CREB5: variants seen among roughly 807,000 people sequenced by gnomAD.
CREB5 encodes cyclic AMP-responsive element-binding protein 5.
CREB5 carries 19 observed loss-of-function variants against 57.1 expected under a neutral mutation model. The ratio of observed to expected loss-of-function variants is 0.33; its 90% CI spans 0.23 to 0.49. The LOEUF is 0.49. CREB5 is among the 20% of genes least tolerant of loss of function. CREB5 has a pLI of 0.99. For synonymous variants in CREB5, 238 were observed against 238.3 expected (o/e 1.00, Z 0.01); for missense variants, 579 against 671.6 (o/e 0.86, Z 1.52).
intron 4 of CREB5, among the ~76,000 whole-genome samples, chr7:28,510,673 A>G (rs766148331): frequency 8.5e-5 from 13 of 152,238 alleles, no homozygotes; most frequent in South Asian, 2.1e-4. Context: ...CTTTTCCAGA[A>G]GCATCCCAAT....
intron 4 of CREB5, among the ~76,000 whole-genome samples, chr7:28,561,489 A>G (rs1244514180): frequency 6.6e-6 from 1 of 152,246 alleles, no homozygotes; most frequent in African/African-American, 2.4e-5. Flanking sequence ...ATTATCCAAC[A>G]CTGCATTAAA....
At chr7:28,407,100 A>G (rs2065768803) in intron 1 of CREB5, among the ~76,000 whole-genome samples, 1 of 151,408 alleles carries the variant, frequency 6.6e-6, no homozygotes, top group Non-Finnish European at 1.5e-5. Flanking sequence ...CCCAGGTTGG[A>G]GTGCAATGGT....
intron 1 of CREB5, among the ~76,000 whole-genome samples, chr7:28,322,816 G>A (rs532313141): frequency 1.3e-5 from 2 of 152,258 alleles, no homozygotes; most frequent in South Asian, 2.1e-4. Flanking sequence ...ATTCCATGGT[G>A]TATATGTGCC....
chr7:28,375,602 G>T (rs1480588995), intron 1 of CREB5, among the ~76,000 whole-genome samples: 1 of 139,252 alleles, frequency 7.2e-6, no homozygotes, highest in Non-Finnish European at 1.5e-5. Flanking sequence ...AAAGAAAAAA[G>T]GAAAAAAAAA....
Position 28,422,096 on chromosome 7 carries a change from G to A in CREB5, c.3+9179G>A, listed in dbSNP as rs1788291388. Among the ~76,000 whole-genome samples, 3 of 152,030 alleles carry A rather than the reference G, an allele frequency of 2.0e-5. No homozygotes were observed. The South Asian group carries it at 6.2e-4, about 32-fold the overall frequency. ...AAAATTTTGGAGACAGATCACAGGG[G>A]GAATGGTGGAGGAAATTAGAGATAT... is the stretch of plus-strand genomic sequence containing the variant. On this transcript the variant is annotated intron_variant, in intron 1 of 10. Coordinates refer to ENST00000357727, the MANE Select transcript of CREB5 (RefSeq NM_182898.4).
chr7:28,377,175 C>G (rs1583407323), intron 1 of CREB5, among the ~76,000 whole-genome samples: 1 of 152,142 alleles, frequency 6.6e-6, no homozygotes, highest in South Asian at 2.1e-4. Flanking sequence ...AATTGGCTCT[C>G]TTTTGCTCTG....
At chr7:28,798,365 A>AGGGTGGGTGG (rs1808169757) in intron 7 of CREB5, among the ~76,000 whole-genome samples, 2 of 142,802 alleles carry the variant, frequency 1.4e-5, no homozygotes, top group Admixed American at 6.9e-5. Context: ...TAAATTGCCC[A>AGGGTGGGTGG]GGGTGGGTGT....
chr7:28,561,309 A>G (rs1440715578), intron 4 of CREB5, among the ~76,000 whole-genome samples: 2 of 152,168 alleles, frequency 1.3e-5, no homozygotes, highest in African/African-American at 2.4e-5. Context: ...CTGACTTGAA[A>G]CATAGTATAT....
chr7:28,618,231 C>T (rs1349100258), intron 5 of CREB5, among the ~76,000 whole-genome samples: 3 of 152,052 alleles, frequency 2.0e-5, no homozygotes, highest in African/African-American at 7.3e-5. Context: ...CCATTTCTTT[C>T]TTAAAGACCA....
At chr7:28,642,979 C>T (rs4722831) in intron 5 of CREB5, among the ~76,000 whole-genome samples, 4,671 of 100,794 alleles carry the variant, frequency 0.046, 53 homozygotes, top group Admixed American at 0.084. Flanking sequence ...CACACACACA[C>T]ACACACATAC....
chr7:28,443,018 C>T (rs1431201926), intron 1 of CREB5, among the ~76,000 whole-genome samples: 5 of 152,170 alleles, frequency 3.3e-5, no homozygotes, highest in Admixed American at 6.5e-5. Context: ...TGCCTTATTT[C>T]GTTTAATCTT....
chr7:28,809,212 A>C lies in CREB5; in HGVS notation c.1052A>C (p.Gln351Pro). 6.2e-7 allele frequency: 1 copy of C among 1,613,606 alleles called. No homozygotes were observed. Among genetic ancestry groups the C allele is most frequent in the South Asian group, 1.1e-5 (1 of 91,010 alleles). ...GTTTCACCAGCAACACAACAGATGCAGCCAACCCAGACAATACAGCCACCC... is the reference window on the plus strand; with the variant it reads ...GTTTCACCAGCAACACAACAGATGCCGCCAACCCAGACAATACAGCCACCC... ...AQVSPATQQM[Q>P]PTQTIQPPQP... The change falls in exon 9 of 11, where the codon CAG (glutamine) becomes CCG (proline). Residue 351 changes from glutamine (Q) to proline (P), a missense_variant. Physicochemically the swap from Gln to Pro is moderately conservative, Grantham distance 76. Coordinates refer to ENST00000357727, the MANE Select transcript of CREB5 (RefSeq NM_182898.4).
At chr7:28,606,472 C>G (rs1041814525) in intron 5 of CREB5, among the ~76,000 whole-genome samples, 1 of 152,162 alleles carries the variant, frequency 6.6e-6, no homozygotes, top group African/African-American at 2.4e-5. Flanking sequence ...GTTTGTCCAG[C>G]CTTTGTGTGA....
rs1809627423 is a variant in CREB5 at position 28,819,288 on chromosome 7, A to C, written c.*9A>C. 1 of 1,611,700 alleles carries C rather than the reference A, an allele frequency of 6.2e-7. No homozygotes were observed. Among genetic ancestry groups the C allele is most frequent in the Non-Finnish European group, 8.5e-7 (1 of 1,178,814 alleles). ...TGAATCCGATTCTTTAAAATGCACC[A>C]TCAGACCTGGCCTCCAAGAAGAGCT... On this transcript the variant is annotated 3_prime_UTR_variant, in exon 11 of 11. Coordinates refer to ENST00000357727, the MANE Select transcript of CREB5 (RefSeq NM_182898.4).
intron 1 of CREB5, among the ~76,000 whole-genome samples, chr7:28,378,878 A>T (rs984489153): frequency 1.3e-5 from 2 of 152,182 alleles, no homozygotes; most frequent in Admixed American, 6.5e-5. Flanking sequence ...TGAAATGAAG[A>T]TATATTTTTG....
intron 7 of CREB5, among the ~76,000 whole-genome samples, chr7:28,733,027 C>A (rs1583633481): frequency 3.3e-5 from 5 of 152,044 alleles, no homozygotes; most frequent in Admixed American, 2.6e-4. Flanking sequence ...TCACAGGATA[C>A]TTAGGTCCCA....
intron 9 of CREB5, among the ~76,000 whole-genome samples, chr7:28,811,597 C>T (rs1031756726): frequency 6.6e-6 from 1 of 152,042 alleles, no homozygotes; most frequent in Non-Finnish European, 1.5e-5. Context: ...TCTCAAACTC[C>T]CAGGCTCAAG....
At position 28,678,246 on chromosome 7, in the gene CREB5, G is replaced by A. The variant is rs532043405; in HGVS notation, c.465-40507G>A. Among the ~76,000 whole-genome samples, 5 of 152,154 alleles carry A rather than the reference G, an allele frequency of 3.3e-5. No homozygotes were observed. The South Asian group carries it at 1.0e-3, about 32-fold the overall frequency. On this transcript the variant is annotated intron_variant, in intron 5 of 10. Coordinates refer to ENST00000357727, the MANE Select transcript of CREB5 (RefSeq NM_182898.4). The stretch of plus-strand genomic sequence containing the variant: ...CTACTAAGAATGCAAAAATTAGCTG[G>A]GTGTGGTGGTGTGCGCCTGTAGCCC...
intron 7 of CREB5, among the ~76,000 whole-genome samples, chr7:28,799,637 T>C (rs1280066163): frequency 6.6e-6 from 1 of 152,222 alleles, no homozygotes; most frequent in African/African-American, 2.4e-5. Flanking sequence ...TTTGAAGGGA[T>C]GGCACAATGA....
Sources: gnomAD v4.1 joint callset for allele counts (sites outside exome capture counted in the v4.1 genomes callset) on GRCh38, gnomAD v4.1.1 for gene constraint, MANE v1.5 for transcripts, NCBI Gene and HGNC (gene_info 2026-07-23, HGNC 2026-07-21) for gene names.